Variants in MB21D2 observed in about 807,000 individuals in gnomAD.
MB21D2 encodes the protein Mab-21 domain containing 2, also known as nucleotidyltransferase MB21D2.
Under a neutral mutation model 33.3 loss-of-function variants are expected in MB21D2, and 9 were observed. The ratio of observed to expected loss-of-function variants is 0.27; its 90% CI spans 0.16 to 0.47. MB21D2 has a LOEUF of 0.47. Among genes scored for constraint, MB21D2 ranks in the 20% least tolerant of loss-of-function variants. MB21D2 has a pLI of 0.99. For synonymous variants in MB21D2, 241 were observed against 236.3 expected (o/e 1.02, Z -0.18); for missense variants, 540 against 624.6 (o/e 0.86, Z 1.44).
chr3:192,847,597 C>A (rs966042389), intron 1 of MB21D2, among the ~76,000 whole-genome samples: 22 of 152,160 alleles, frequency 1.4e-4, no homozygotes, highest in Non-Finnish European at 2.4e-4. Context: ...ATGAAACACC[C>A]TTCACCATAA....
chr3:192,859,447 C>A (rs1326016868), intron 1 of MB21D2, among the ~76,000 whole-genome samples: 1 of 152,056 alleles, frequency 6.6e-6, no homozygotes, highest in Non-Finnish European at 1.5e-5. Flanking sequence ...GCTGTCAGAT[C>A]CTAACTCAGA....
intron 1 of MB21D2, among the ~76,000 whole-genome samples, chr3:192,868,794 C>T (rs1713224814): frequency 6.6e-6 from 1 of 152,080 alleles, no homozygotes; most frequent in African/African-American, 2.4e-5. Flanking sequence ...CAATTCACTG[C>T]CACATATAAT....
intron 1 of MB21D2, among the ~76,000 whole-genome samples, chr3:192,826,085 G>A (rs1712167834): frequency 6.6e-6 from 1 of 152,168 alleles, no homozygotes. Context: ...CTGGTCCTCA[G>A]GCTCCTACAC....
At chr3:192,836,040 G>A (rs559393194) in intron 1 of MB21D2, among the ~76,000 whole-genome samples, 1 of 152,236 alleles carries the variant, frequency 6.6e-6, no homozygotes, top group East Asian at 1.9e-4. Flanking sequence ...CAGAGAGTAT[G>A]GTTATATGCT....
intron 1 of MB21D2, among the ~76,000 whole-genome samples, chr3:192,882,228 C>T (rs1207417464): frequency 3.3e-5 from 5 of 151,884 alleles, no homozygotes; most frequent in Admixed American, 3.3e-4. Context: ...TGGGTTCAAG[C>T]GATTCTCCTG....
chr3:192,804,428 C>CACACACAT (rs1553854656), intron 1 of MB21D2, among the ~76,000 whole-genome samples: 8 of 5,764 alleles, frequency 1.4e-3, no homozygotes, highest in Non-Finnish European at 6.6e-3. Flanking sequence ...AAAACAGATA[C>CACACACAT]ACACACACAC....
chr3:192,881,274 G>A (rs897164289), intron 1 of MB21D2, among the ~76,000 whole-genome samples: 1 of 152,034 alleles, frequency 6.6e-6, no homozygotes, highest in Non-Finnish European at 1.5e-5. Context: ...TATGGAGGAA[G>A]GACCCCAAAA....
chr3:192,809,570 T>C (rs1005720542), intron 1 of MB21D2, among the ~76,000 whole-genome samples: 49 of 152,200 alleles, frequency 3.2e-4, no homozygotes, highest in African/African-American at 1.2e-3. Context: ...CCTTTGGAAC[T>C]GCCACATAAA....
intron 1 of MB21D2, among the ~76,000 whole-genome samples, chr3:192,893,244 G>C (rs11714424): frequency 0.23 from 35,657 of 152,136 alleles, 5,834 homozygotes; most frequent in African/African-American, 0.47. Context: ...GTGACATGAC[G>C]TCTTTACTTC....
chr3:192,824,337 A>C (rs754535873), intron 1 of MB21D2, among the ~76,000 whole-genome samples: 1 of 152,060 alleles, frequency 6.6e-6, no homozygotes, highest in Non-Finnish European at 1.5e-5. Context: ...TTAATGATGG[A>C]AAGTTTAAAG....
At chr3:192,837,781 A>G (rs1287732195) in intron 1 of MB21D2, among the ~76,000 whole-genome samples, 2 of 152,200 alleles carry the variant, frequency 1.3e-5, no homozygotes, top group East Asian at 3.8e-4. Context: ...GTGATTGTCT[A>G]ATTTGAGAAA....
At position 192,842,278 on chromosome 3, in the gene MB21D2, C is replaced by T. The variant is rs79574299; in HGVS notation, c.212-42628G>A. 8.7e-3 allele frequency among the ~76,000 whole-genome samples: 1,325 copies of T among 152,316 alleles called. 67 individuals carry two copies. The South Asian group carries it at 0.11, about 12-fold the overall frequency. ...TACCACGTTGAACACTGGCCTCCCA[C>T]GGCTGCCCGTCAGAGCCAGAGGTTT... On this transcript the variant is annotated intron_variant, in intron 1 of 1. Transcript: ENST00000392452.
intron 1 of MB21D2, among the ~76,000 whole-genome samples, chr3:192,882,375 C>CATCCAGTA: frequency 6.6e-6 from 1 of 151,500 alleles, no homozygotes; most frequent in South Asian, 2.1e-4. Context: ...GCGCCCCGCA[C>CATCCAGTA]ATTATTAAAC....
intron 1 of MB21D2, among the ~76,000 whole-genome samples, chr3:192,901,921 G>A (rs187349796): frequency 1.1e-3 from 171 of 152,318 alleles, no homozygotes; most frequent in South Asian, 3.3e-3. Flanking sequence ...TGGGGGGAAA[G>A]CCTGCATCTT....
At chr3:192,906,083 T>C (rs1206690759) in intron 1 of MB21D2, among the ~76,000 whole-genome samples, 1 of 152,170 alleles carries the variant, frequency 6.6e-6, no homozygotes, top group South Asian at 2.1e-4. Flanking sequence ...TGTGGAGGAC[T>C]AGATAAAAAT....
intron 1 of MB21D2, among the ~76,000 whole-genome samples, chr3:192,873,789 G>T (rs745385937): frequency 8.5e-5 from 13 of 152,138 alleles, no homozygotes; most frequent in Non-Finnish European, 1.8e-4. Flanking sequence ...TGTAACCTCT[G>T]CCTCTCGGGT....
At chr3:192,872,934 A>G (rs1713342186) in intron 1 of MB21D2, among the ~76,000 whole-genome samples, 1 of 152,140 alleles carries the variant, frequency 6.6e-6, no homozygotes, top group African/African-American at 2.4e-5. Context: ...GCTCCCCAGT[A>G]GCTTAACCCA....
In MB21D2 at chr3:192,828,593, TATATATATATATATATATATATATATA is replaced by T. The variant is rs1315678836; in HGVS notation, c.212-28970_212-28944del. On this transcript the variant is annotated intron_variant, in intron 1 of 1. Coordinates refer to ENST00000392452, the MANE Select transcript of MB21D2 (RefSeq NM_178496.4). ...TATACAATAAAACTCACCCCCCCCA[TATATATATATATATATATATATATATA>T]TATATATATATATATATATATATAT... Among the ~76,000 whole-genome samples, 50 of 13,702 alleles carry T rather than the reference TATATATATATATATATATATATATATA, an allele frequency of 3.6e-3. 3 individuals are homozygous for T. In the South Asian group the frequency reaches 0.054, roughly 15 times the overall value. 9.0% of individuals were successfully genotyped at this position (13,702 alleles called of 152,430 possible).
In MB21D2 at chr3:192,798,401, A is replaced by G; in HGVS notation, c.1461T>C (p.Asp487=). ...DDVTRPHFRI[D]DKFF Reference sequence around the variant, plus strand: ...CAGCTAACACTCAGAAAAATTTGTCATCAATTCTGAAATGGGGCCTTGTGA... The same window carrying G: ...CAGCTAACACTCAGAAAAATTTGTCGTCAATTCTGAAATGGGGCCTTGTGA... The change falls in exon 2 of 2, where the codon GAT becomes GAC. Residue 487 remains aspartate (D), a synonymous_variant. Transcript: ENST00000392452. This position sits in a 1 kb window ranked among gnomAD's most constrained non-coding sequence, Gnocchi z 4.8. The G allele has an allele frequency of 6.2e-7, 1 of 1,613,458 alleles. No individual in the cohort carries two copies. The highest frequency in any genetic ancestry group is 8.5e-7 in the Non-Finnish European group (1 of 1,179,378).
Sources: gnomAD v4.1 joint callset for allele counts (sites outside exome capture counted in the v4.1 genomes callset) on GRCh38, gnomAD v4.1.1 for gene constraint, Gnocchi (gnomAD v3.1) non-coding constraint, MANE v1.5 for transcripts, NCBI Gene and HGNC (gene_info 2026-07-23, HGNC 2026-07-21) for gene names.